KANSL1L: variants seen among roughly 807,000 people sequenced by gnomAD.
KANSL1L encodes KAT8 regulatory NSL complex subunit 1-like protein.
Under a neutral mutation model 108.6 loss-of-function variants are expected in KANSL1L, and 25 were observed. That is an observed-to-expected ratio of 0.23 (90% CI 0.17 to 0.32). The LOEUF is 0.32. Among genes scored for constraint, KANSL1L ranks in the 10% least tolerant of loss-of-function variants. The pLI, the probability that KANSL1L is intolerant of heterozygous loss-of-function variation, is 1.00. For synonymous variants in KANSL1L, 405 were observed against 395.1 expected (o/e 1.03, Z -0.30); for missense variants, 1,137 against 1,125.7 (o/e 1.01, Z -0.14).
chr2:210,165,176 TA>T (rs200062505), intron 1 of KANSL1L, among the ~76,000 whole-genome samples: 1 of 141,320 alleles, frequency 7.1e-6, no homozygotes, highest in African/African-American at 2.6e-5. Flanking sequence ...CCAATTTTAC[TA>T]AAAAAAAAAC....
At chr2:210,057,279 G>A (rs2094361918) in intron 6 of KANSL1L, among the ~76,000 whole-genome samples, 2 of 152,164 alleles carry the variant, frequency 1.3e-5, no homozygotes, top group Non-Finnish European at 2.9e-5. Context: ...GGACTTGCCT[G>A]CAATCCCAGC....
intron 5 of KANSL1L, among the ~76,000 whole-genome samples, chr2:210,077,057 G>A (rs943388781): frequency 8.5e-5 from 13 of 152,134 alleles, no homozygotes; most frequent in Admixed American, 2.0e-4. Context: ...ATTAGCTTGT[G>A]GATAAAGTAA....
At position 210,023,027 on chromosome 2, in the gene KANSL1L, A is replaced by G. The variant is rs201550126; in HGVS notation, c.2886T>C (p.His962=). ...FGTSVPENGH[H]PKKQSDGMEE... is the part of the protein sequence containing the mutation. The stretch of plus-strand genomic sequence containing the variant: ...CCATTCCATCTGACTGCTTTTTTGG[A>G]TGGTGGCCATTCTCTGGTACACTGG... Residue 962 remains histidine, a synonymous_variant, in exon 15 of 15, where the codon CAT becomes CAC. Coordinates refer to ENST00000281772, the MANE Select transcript of KANSL1L (RefSeq NM_152519.4). 82 of 1,613,768 alleles carry G rather than the reference A, an allele frequency of 5.1e-5. No individual in the cohort carries two copies. In the East Asian group the frequency reaches 1.8e-3, roughly 36 times the overall value.
chr2:210,130,919 G>A (rs2095114339), intron 2 of KANSL1L, among the ~76,000 whole-genome samples: 1 of 151,712 alleles, frequency 6.6e-6, no homozygotes, highest in African/African-American at 2.4e-5. Flanking sequence ...AAAAAGTCAG[G>A]AAAACAACTA....
chr2:210,085,045 G>C (rs945937849), intron 5 of KANSL1L, among the ~76,000 whole-genome samples: 1 of 152,006 alleles, frequency 6.6e-6, no homozygotes, highest in African/African-American at 2.4e-5. Context: ...ATCATAAAAA[G>C]ATAATTTTGA....
At chr2:210,140,982 A>G (rs1005424127) in intron 2 of KANSL1L, among the ~76,000 whole-genome samples, 2 of 152,022 alleles carry the variant, frequency 1.3e-5, no homozygotes, top group Non-Finnish European at 2.9e-5. Context: ...CTGAAACGCT[A>G]ATTAATTTAT....
At position 210,044,147 on chromosome 2, in the gene KANSL1L, C is replaced by T; in HGVS notation, c.1756-43G>A. On this transcript the variant is annotated intron_variant, in intron 6 of 14. Coordinates refer to ENST00000281772, the MANE Select transcript of KANSL1L (RefSeq NM_152519.4). This position sits in a 1 kb window ranked among gnomAD's most constrained non-coding sequence, Gnocchi z 4.2. ...ATTAGAATATCACAGCCAAAGCATC[C>T]ATAAATGGCATATCTCTACATTTAT... The T allele has an allele frequency of 7.6e-7, 1 of 1,323,854 alleles. No homozygotes were observed. The highest frequency in any genetic ancestry group is 2.3e-5 in the Admixed American group (1 of 42,686). The allele number at this position is 1,323,854 out of a possible 1,614,324, so 82.0% of individuals were successfully genotyped here.
intron 9 of KANSL1L, among the ~76,000 whole-genome samples, chr2:210,030,537 G>T (rs2094003085): frequency 7.6e-6 from 1 of 132,142 alleles, no homozygotes; most frequent in Non-Finnish European, 1.5e-5. Flanking sequence ...CCCAGTTACT[G>T]TGTGTGTGTG....
Position 210,098,077 on chromosome 2 carries a change from G to T in KANSL1L, c.1550+9C>A. 1.3e-6 allele frequency: 2 copies of T among 1,594,614 alleles called. No homozygotes were observed. The highest frequency in any genetic ancestry group is 2.3e-5 in the South Asian group (2 of 87,532). On this transcript the variant is annotated intron_variant, in intron 5 of 14. Coordinates refer to ENST00000281772, the MANE Select transcript of KANSL1L (RefSeq NM_152519.4). ...AATTTAAAAGCTAAGCTATTCCATT[G>T]ATACCTACCTCCTGTAAATGCCATT...
At chr2:210,090,896 T>C (rs2094687659) in intron 5 of KANSL1L, among the ~76,000 whole-genome samples, 1 of 152,238 alleles carries the variant, frequency 6.6e-6, no homozygotes, top group Non-Finnish European at 1.5e-5. Flanking sequence ...CCTATTATTA[T>C]ATTGCTACTA....
chr2:210,099,277 C>T (rs1297164152), intron 4 of KANSL1L, among the ~76,000 whole-genome samples: 9 of 151,942 alleles, frequency 5.9e-5, no homozygotes, highest in East Asian at 1.9e-4. Flanking sequence ...AAAATACAGA[C>T]GTAGTTCAAC....
At chr2:210,089,574 CACAAAATGTCTAAGTAA>C (rs2094672439) in intron 5 of KANSL1L, among the ~76,000 whole-genome samples, 1 of 152,046 alleles carries the variant, frequency 6.6e-6, no homozygotes, top group African/African-American at 2.4e-5. Flanking sequence ...CTGCCCAAGT[CACAAAATGTCTAAGTAA>C]ACAAAATATA....
chr2:210,146,344 T>C (rs2095265758), intron 2 of KANSL1L, among the ~76,000 whole-genome samples: 1 of 152,170 alleles, frequency 6.6e-6, no homozygotes, highest in Non-Finnish European at 1.5e-5. Context: ...TGTTCGGGAG[T>C]GAAGACTGGT....
intron 6 of KANSL1L, among the ~76,000 whole-genome samples, chr2:210,064,696 C>A (rs1353959168): frequency 1.3e-5 from 2 of 151,488 alleles, no homozygotes; most frequent in Admixed American, 1.3e-4. Flanking sequence ...CTTGTACCAG[C>A]TACTTGGGAG....
chr2:210,104,346 T>C (rs1027125566), intron 3 of KANSL1L, 45 bp from the exon 4 acceptor site: 17 of 1,422,054 alleles, frequency 1.2e-5, no homozygotes, highest in Non-Finnish European at 1.6e-5. Flanking sequence ...ACAAACTTAT[T>C]ATTAAGCCAC....
At position 210,028,770 on chromosome 2, in the gene KANSL1L, A is replaced by C. The variant is rs1319946830; in HGVS notation, c.2396+75T>G. On this transcript the variant is annotated intron_variant, in intron 11 of 14. Transcript: ENST00000281772. ...GAGAAGGATGCTCCTTTCATTAATT[A>C]AAATTCTTCACTTTGAAAATTTAAG... 4.4e-6 allele frequency: 5 copies of C among 1,128,590 alleles called. No individual in the cohort carries two copies. In the Admixed American group the frequency reaches 1.3e-4, roughly 28 times the overall value. The allele number at this position is 1,128,590 out of a possible 1,614,324, so 69.9% of individuals were successfully genotyped here.
chr2:210,025,995 T>C (rs888699763), intron 12 of KANSL1L, among the ~76,000 whole-genome samples: 1 of 152,234 alleles, frequency 6.6e-6, no homozygotes, highest in Non-Finnish European at 1.5e-5. Flanking sequence ...GAGTACATAC[T>C]ATTCTAAGAA....
chr2:210,030,028 G>T, intron 9 of KANSL1L, 110 bp from the exon 10 acceptor site: 1 of 491,446 alleles, frequency 2.0e-6, no homozygotes, highest in Non-Finnish European at 3.6e-6. Flanking sequence ...GTGTGTGTGT[G>T]TTTAAATTCG....
rs2095226610 is a variant in KANSL1L at position 210,141,200 on chromosome 2, CTTTTTT to C, written c.1089-12034_1089-12029del. On this transcript the variant is annotated intron_variant, in intron 2 of 14. Transcript: ENST00000281772. The stretch of plus-strand genomic sequence containing the variant: ...TTTCTTTCTCTCCCTTTCTCTTTTT[CTTTTTT>C]CTTTTCTTTCCTTTTTCTCTTTTAT... Among the ~76,000 whole-genome samples the C allele has an allele frequency of 2.7e-5, 4 of 149,782 alleles. No homozygotes were observed. The East Asian group carries it at 7.9e-4, about 29-fold the overall frequency.
Sources: allele counts gnomAD v4.1 joint callset (sites outside exome capture counted in the v4.1 genomes callset), GRCh38; gene constraint gnomAD v4.1.1; non-coding constraint Gnocchi (gnomAD v3.1); transcripts MANE v1.5; gene names NCBI Gene and HGNC (gene_info 2026-07-23, HGNC 2026-07-21).